Variants in RAPH1 observed in about 807,000 individuals in gnomAD.
RAPH1 encodes the protein ras-associated and pleckstrin homology domains-containing protein 1.
RAPH1 carries 18 observed loss-of-function variants against 88.1 expected under a neutral mutation model. The observed-to-expected ratio is 0.20, with a 90% confidence interval of 0.14 to 0.30. The LOEUF is 0.30. Among genes scored for constraint, RAPH1 ranks in the 10% least tolerant of loss-of-function variants. The pLI, the probability that RAPH1 is intolerant of heterozygous loss-of-function variation, is 1.00. For missense variants in RAPH1, 1,448 were observed against 1,543.2 expected (o/e 0.94, Z 1.03); for synonymous variants, 587 against 559.0 (o/e 1.05, Z -0.71).
chr2:203,446,903 CTAATT>C (rs2098510200), intron 12 of RAPH1: 1 of 138,696 alleles, frequency 7.2e-6, no homozygotes, highest in South Asian at 2.2e-4. Context: ...CTAAGTCTGG[CTAATT>C]TAAAAAAAAA....
chr2:203,500,204 T>C (rs1486261710), intron 1 of RAPH1, among the ~76,000 whole-genome samples: 1 of 152,198 alleles, frequency 6.6e-6, no homozygotes, highest in Non-Finnish European at 1.5e-5. Context: ...AAAAGAGGTA[T>C]GTTAAGTGAG....
In RAPH1 at chr2:203,530,572, T is replaced by C. The variant is rs565197280; in HGVS notation, c.-1+4539A>G. ...CCCCAAAATTAGCCACGTATAACCA[T>C]GTAGCACTATGGTCTTCAATGTGTT... On this transcript the variant is annotated intron_variant, in intron 1 of 13. Coordinates refer to ENST00000319170, the MANE Select transcript of RAPH1 (RefSeq NM_213589.3). Among the ~76,000 whole-genome samples, 292 of 152,264 alleles carry C rather than the reference T, an allele frequency of 1.9e-3. 3 individuals are homozygous for C. The highest frequency in any genetic ancestry group is 6.7e-3 in the African/African-American group (277 of 41,554).
Position 203,439,356 on chromosome 2 carries a change from G to C in RAPH1, c.*81C>G. 1.4e-6 allele frequency: 2 copies of C among 1,383,520 alleles called. No homozygotes were observed. Among genetic ancestry groups the C allele is most frequent in the Non-Finnish European group, 2.0e-6 (2 of 994,308 alleles). The allele number at this position is 1,383,520 out of a possible 1,614,324, so 85.7% of individuals were successfully genotyped here. A position where few individuals can be genotyped will look rare whatever the true frequency, so the allele number is the denominator to read the frequency against. On this transcript the variant is annotated 3_prime_UTR_variant, in exon 14 of 14. Coordinates refer to ENST00000319170, the MANE Select transcript of RAPH1 (RefSeq NM_213589.3). ...GAATAACATCATACCAGGAGGCTCTGAACACCTGAATTCACAGATGATCAG... is the reference window on the plus strand; with the variant it reads ...GAATAACATCATACCAGGAGGCTCTCAACACCTGAATTCACAGATGATCAG...
At chr2:203,482,944 G>A (rs1295176133) in intron 4 of RAPH1, among the ~76,000 whole-genome samples, 2 of 152,188 alleles carry the variant, frequency 1.3e-5, no homozygotes, top group Non-Finnish European at 2.9e-5. Context: ...AGGTAGCTAG[G>A]AGAATGTTAC....
At chr2:203,494,205 C>T (rs559833181) in intron 2 of RAPH1, among the ~76,000 whole-genome samples, 2 of 152,124 alleles carry the variant, frequency 1.3e-5, no homozygotes, top group South Asian at 2.1e-4. Context: ...CTCATACCTA[C>T]GCAATTTTAC....
intron 1 of RAPH1, among the ~76,000 whole-genome samples, chr2:203,530,961 A>G (rs1213597926): frequency 3.3e-5 from 5 of 152,182 alleles, no homozygotes; most frequent in Non-Finnish European, 7.3e-5. Context: ...ATGAATGAGT[A>G]TGAGTGCCAG....
chr2:203,445,335 C>T (rs2098508505), intron 12 of RAPH1: 1 of 229,440 alleles, frequency 4.4e-6, no homozygotes, highest in Non-Finnish European at 8.5e-6. Flanking sequence ...ATTAATGAAC[C>T]ATCAGTAGAG....
In RAPH1 at chr2:203,444,872, C is replaced by T; in HGVS notation, c.1772G>A (p.Ser591Asn). The part of the protein sequence containing the change: ...WKRGTQLEES[S>N]KARMESMNRP... ...AAATTAAAACGAAGCTGTTACCTTG[C>T]TGGACTCTTCCAACTGAGTGCCTCG... The change falls in exon 13 of 14, where the codon AGC becomes AAC. Residue 591 changes from serine (S) to asparagine (N), a missense_variant. Physicochemically the swap from Ser to Asn is conservative, Grantham distance 46 (BLOSUM62 1). This residue lies in a region of RAPH1 where 935 missense variants were observed against 890.1 expected (regional missense o/e 1.05). Coordinates refer to ENST00000319170, the MANE Select transcript of RAPH1 (RefSeq NM_213589.3). The T allele has an allele frequency of 6.2e-7, 1 of 1,613,544 alleles. No individual in the cohort carries two copies.
intron 1 of RAPH1, among the ~76,000 whole-genome samples, chr2:203,519,657 T>C (rs1041082136): frequency 6.6e-6 from 1 of 151,978 alleles, no homozygotes; most frequent in Non-Finnish European, 1.5e-5. Flanking sequence ...AATAATAAGA[T>C]AATAAAAGGA....
At chr2:203,483,619 C>A (rs1001565854) in intron 4 of RAPH1, among the ~76,000 whole-genome samples, 6 of 152,154 alleles carry the variant, frequency 3.9e-5, no homozygotes, top group Non-Finnish European at 2.9e-5. Flanking sequence ...ACCTAGAGAA[C>A]TGGTAAAGCA....
intron 4 of RAPH1, among the ~76,000 whole-genome samples, chr2:203,472,697 T>C (rs1463102871): frequency 6.6e-6 from 1 of 152,204 alleles, no homozygotes; most frequent in African/African-American, 2.4e-5. Flanking sequence ...ATCATTATAT[T>C]TCAAATTTAA....
At chr2:203,489,291 T>G (rs1441347379) in intron 4 of RAPH1, among the ~76,000 whole-genome samples, 1 of 152,178 alleles carries the variant, frequency 6.6e-6, no homozygotes, top group East Asian at 1.9e-4. Context: ...GTGAATCATT[T>G]TAATTTTTCA....
chr2:203,441,121 G>T lies in RAPH1; in HGVS notation c.2069C>A (p.Pro690Gln), dbSNP rs908758436. 6.2e-7 allele frequency: 1 copy of T among 1,611,792 alleles called. No individual in the cohort carries two copies. Among genetic ancestry groups the T allele is most frequent in the East Asian group, 2.2e-5 (1 of 44,834 alleles). The part of the protein sequence containing the change: ...SGALFKPPTP[P>Q]VMQSQSVKPQ... ...CTTCACTGACTGTGACTGCATCACT[G>T]GGGGTGTTGGCGGCTTAAACAGGGC... The change falls in exon 14 of 14, where the codon CCA becomes CAA. Residue 690 changes from proline to glutamine, a missense_variant. Coordinates refer to ENST00000319170, the MANE Select transcript of RAPH1 (RefSeq NM_213589.3).
chr2:203,498,827 C>T (rs2105868346), intron 1 of RAPH1, among the ~76,000 whole-genome samples: 1 of 152,262 alleles, frequency 6.6e-6, no homozygotes, highest in East Asian at 1.9e-4. Flanking sequence ...CCAAAGAGAA[C>T]TACAGTCATG....
rs1301969048 is a variant in RAPH1, at chr2:203,436,822, C to G, written c.*2615G>C. The G allele has an allele frequency of 6.6e-6, 1 of 152,190 alleles. No homozygotes were observed. The highest frequency in any genetic ancestry group is 1.5e-5 in the Non-Finnish European group (1 of 68,068). 9.4% of individuals were successfully genotyped at this position (152,190 alleles called of 1,614,324 possible). A position where few individuals can be genotyped will look rare whatever the true frequency, so the allele number is the denominator to read the frequency against. ...AGAAAAAGAGCTACAGAAATACAGT[C>G]TAGGAAAAGCTACATCCCAACAAAA... On this transcript the variant is annotated 3_prime_UTR_variant, in exon 14 of 14. Transcript: ENST00000319170.
chr2:203,439,632 G>A lies in RAPH1; in HGVS notation c.3558C>T (p.Ser1186=). 1 of 1,614,146 alleles carries A rather than the reference G, an allele frequency of 6.2e-7. No individual in the cohort carries two copies. The highest frequency in any genetic ancestry group is 8.5e-7 in the Non-Finnish European group (1 of 1,180,024). ...KSITRHGSLS[S]RMSRAEPTAT... is the part of the protein sequence containing the mutation. ...CTGTTGGTTCTGCTCTGGACATGCG[G>A]GAGGAGAGTGAGCCGTGCCGAGTGA... is the stretch of plus-strand genomic sequence containing the variant. The change falls in exon 14 of 14, where the codon TCC becomes TCT. Residue 1186 remains serine (S), a synonymous_variant. Coordinates refer to ENST00000319170, the MANE Select transcript of RAPH1 (RefSeq NM_213589.3).
intron 1 of RAPH1, among the ~76,000 whole-genome samples, chr2:203,524,943 A>C (rs1690046832): frequency 6.6e-6 from 1 of 152,248 alleles, no homozygotes; most frequent in Non-Finnish European, 1.5e-5. Context: ...ATTAGAATTC[A>C]CTTCTGATAT....
In RAPH1 at chr2:203,438,096, G is replaced by A. The variant is rs1370203762; in HGVS notation, c.*1341C>T. ...AAACTGCACACGCATAAAACGTAAT[G>A]TCAGTTACTGGACTTGGACTGTCCC... On this transcript the variant is annotated 3_prime_UTR_variant, in exon 14 of 14. Transcript: ENST00000319170. 1 of 516,204 alleles carries A rather than the reference G, an allele frequency of 1.9e-6. No homozygotes were observed. The highest frequency in any genetic ancestry group is 3.9e-6 in the Non-Finnish European group (1 of 258,856). 32.0% of individuals were successfully genotyped at this position (516,204 alleles called of 1,614,324 possible).
At position 203,433,968 on chromosome 2, in the gene RAPH1, ATAACT is replaced by A. The variant is rs900703963; in HGVS notation, c.*5464_*5468del. On this transcript the variant is annotated 3_prime_UTR_variant, in exon 14 of 14. Transcript: ENST00000319170. ...ATAACTGGCAAGAGTAACTTGGAAA[ATAACT>A]TAATCCAGCAGAACAAAAACATCCT... is the stretch of plus-strand genomic sequence containing the variant. 1.4e-4 allele frequency: 22 copies of A among 152,590 alleles called. 1 individual carries two copies. Among genetic ancestry groups the A allele is most frequent in the African/African-American group, 4.8e-4 (20 of 41,514 alleles). The allele number at this position is 152,590 out of a possible 1,614,324, so 9.5% of individuals were successfully genotyped here.
Sources: allele counts gnomAD v4.1 joint callset (sites outside exome capture counted in the v4.1 genomes callset), GRCh38; gene constraint gnomAD v4.1.1; regional missense constraint gnomAD v4.1.1; transcripts MANE v1.5; gene names NCBI Gene and HGNC (gene_info 2026-07-23, HGNC 2026-07-21).